Variants in CDH12 observed in about 807,000 individuals in gnomAD.
CDH12 encodes the protein cadherin 12.
A neutral mutation model predicts 74.1 loss-of-function variants in CDH12; 41 were observed. That is an observed-to-expected ratio of 0.55 (90% CI 0.43 to 0.72). The LOEUF (loss-of-function observed/expected upper bound fraction) is 0.72, where lower values mean the gene tolerates loss of function less well. Ranked by LOEUF, CDH12 falls within the 30% of genes least tolerant of loss-of-function variation. CDH12 has a pLI of 0.00. For synonymous variants in CDH12, 399 were observed against 355.0 expected, an observed-to-expected ratio of 1.12 and a Z score of -1.39; for missense variants, 945 against 977.2, an observed-to-expected ratio of 0.97 and a Z score of 0.44.
chr5:22,408,379 T>G (rs905658282), intron 2 of CDH12, among the ~76,000 whole-genome samples: 2 of 151,848 alleles, frequency 1.3e-5, no homozygotes. Flanking sequence ...GTCCTTTTTT[T>G]CAAAATAGTT....
intron 6 of CDH12, among the ~76,000 whole-genome samples, chr5:21,893,806 T>C (rs1752998937): frequency 6.6e-6 from 1 of 152,140 alleles, no homozygotes; most frequent in Non-Finnish European, 1.5e-5. Context: ...AACAAATTTG[T>C]AAGAAAAGTG....
At chr5:22,626,094 G>A (rs1053960372) in intron 1 of CDH12, among the ~76,000 whole-genome samples, 4 of 152,004 alleles carry the variant, frequency 2.6e-5, no homozygotes, top group African/African-American at 9.7e-5. Flanking sequence ...TGGTGCTCCC[G>A]CCACTACTAC....
At chr5:22,033,533 C>T (rs917314914) in intron 5 of CDH12, among the ~76,000 whole-genome samples, 2 of 152,120 alleles carry the variant, frequency 1.3e-5, no homozygotes, top group Non-Finnish European at 2.9e-5. Flanking sequence ...TCTATAAACA[C>T]CAATTTGAAT....
At chr5:22,534,021 C>T (rs1341303588) in intron 1 of CDH12, among the ~76,000 whole-genome samples, 2 of 151,892 alleles carry the variant, frequency 1.3e-5, no homozygotes, top group Non-Finnish European at 2.9e-5. Context: ...TAAATATATC[C>T]AAGACAATGA....
chr5:22,333,220 A>C (rs1739422142), intron 3 of CDH12, among the ~76,000 whole-genome samples: 1 of 152,094 alleles, frequency 6.6e-6, no homozygotes, highest in Admixed American at 6.5e-5. Flanking sequence ...ACAGAAACAG[A>C]AACCAAAAAC....
At chr5:22,772,795 A>T (rs896052601) in intron 1 of CDH12, among the ~76,000 whole-genome samples, 1 of 152,126 alleles carries the variant, frequency 6.6e-6, no homozygotes, top group African/African-American at 2.4e-5. Context: ...ATCTTAAACC[A>T]CTTCCTTTGG....
chr5:22,090,937 G>A (rs1014071894), intron 4 of CDH12, among the ~76,000 whole-genome samples: 1 of 151,784 alleles, frequency 6.6e-6, no homozygotes, highest in Non-Finnish European at 1.5e-5. Flanking sequence ...CCTGCAAGCT[G>A]ACAAAGATAA....
chr5:22,698,069 T>A, intron 1 of CDH12, among the ~76,000 whole-genome samples: 1 of 150,954 alleles, frequency 6.6e-6, no homozygotes, highest in Admixed American at 6.7e-5. Flanking sequence ...ATTTTATATT[T>A]TAGAGACTAT....
At chr5:22,637,479 T>C (rs1738901825) in intron 1 of CDH12, among the ~76,000 whole-genome samples, 1 of 152,218 alleles carries the variant, frequency 6.6e-6, no homozygotes, top group African/African-American at 2.4e-5. Context: ...ACATTTTCTC[T>C]AACAAGCACC....
chr5:22,255,598 T>C (rs1285648119), intron 3 of CDH12, among the ~76,000 whole-genome samples: 2 of 151,888 alleles, frequency 1.3e-5, no homozygotes, highest in East Asian at 1.9e-4. Flanking sequence ...GTATTTAAGT[T>C]TGTTACATTT....
At chr5:22,077,150 T>TG in intron 5 of CDH12, among the ~76,000 whole-genome samples, 1 of 151,796 alleles carries the variant, frequency 6.6e-6, no homozygotes, top group Non-Finnish European at 1.5e-5. Flanking sequence ...TGATTTGGGG[T>TG]GACTCAATTT....
chr5:22,108,162 A>T (rs2150257301), intron 4 of CDH12, among the ~76,000 whole-genome samples: 1 of 152,294 alleles, frequency 6.6e-6, no homozygotes, highest in African/African-American at 2.4e-5. Flanking sequence ...AATTTCCCCC[A>T]TACTGTTCTC....
intron 1 of CDH12, among the ~76,000 whole-genome samples, chr5:22,671,267 G>A (rs952208808): frequency 6.6e-6 from 1 of 152,090 alleles, no homozygotes; most frequent in African/African-American, 2.4e-5. Flanking sequence ...GTGTGTGTGT[G>A]TAGAGTAGTA....
At chr5:21,975,662 T>G (rs1322126685) in intron 5 of CDH12, among the ~76,000 whole-genome samples, 8 of 152,160 alleles carry the variant, frequency 5.3e-5, no homozygotes, top group Non-Finnish European at 1.0e-4. Context: ...TCTGCTTGCC[T>G]TATCAGATAG....
intron 12 of CDH12, among the ~76,000 whole-genome samples, chr5:21,761,399 G>C (rs1744709446): frequency 1.3e-5 from 2 of 152,146 alleles, no homozygotes; most frequent in African/African-American, 4.8e-5. Context: ...AAGCAAGTAA[G>C]AATGGCTTTG....
intron 5 of CDH12, among the ~76,000 whole-genome samples, chr5:22,049,401 T>C (rs540335154): frequency 6.6e-6 from 1 of 152,220 alleles, no homozygotes; most frequent in East Asian, 1.9e-4. Context: ...GATTTTAAAA[T>C]ATGTTTCTAG....
intron 5 of CDH12, among the ~76,000 whole-genome samples, chr5:22,028,420 A>ATTTTG (rs1738542957): frequency 6.6e-6 from 1 of 152,168 alleles, no homozygotes; most frequent in Non-Finnish European, 1.5e-5. Context: ...AAGTCTCAGG[A>ATTTTG]TACAAAATCA....
intron 5 of CDH12, among the ~76,000 whole-genome samples, chr5:21,987,989 G>GA (rs887585582): frequency 2.0e-5 from 3 of 151,652 alleles, no homozygotes; most frequent in Admixed American, 6.6e-5. Flanking sequence ...AGGACAGCTA[G>GA]AAAAAAAATA....
At chr5:22,796,219 T>C (rs2126401124) in intron 1 of CDH12, among the ~76,000 whole-genome samples, 1 of 152,324 alleles carries the variant, frequency 6.6e-6, no homozygotes, top group East Asian at 1.9e-4. Context: ...ATTATGAGAT[T>C]GCTGGACCAT....
Sources: allele counts gnomAD v4.1 joint callset (sites outside exome capture counted in the v4.1 genomes callset), GRCh38; gene constraint gnomAD v4.1.1; transcripts MANE v1.5; gene names NCBI Gene and HGNC (gene_info 2026-07-23, HGNC 2026-07-21).